The following ASCC3 variants were observed in gnomAD, a reference collection of about 807,000 sequenced individuals.
ASCC3 encodes activating signal cointegrator 1 complex subunit 3.
A neutral mutation model predicts 256.3 loss-of-function variants in ASCC3; 158 were observed. That is an observed-to-expected ratio of 0.62 (90% CI 0.54 to 0.70). The LOEUF (loss-of-function observed/expected upper bound fraction) is 0.70, where lower values mean the gene tolerates loss of function less well. Ranked by LOEUF, ASCC3 falls within the 30% of genes least tolerant of loss-of-function variation. ASCC3 has a pLI of 0.00. For missense variants in ASCC3, 2,259 were observed against 2,626.0 expected (o/e 0.86, Z 3.05); for synonymous variants, 948 against 883.4 (o/e 1.07, Z -1.30).
At chr6:100,755,853 T>C (rs1213889431) in intron 10 of ASCC3, among the ~76,000 whole-genome samples, 1 of 152,180 alleles carries the variant, frequency 6.6e-6, no homozygotes, top group East Asian at 1.9e-4. Context: ...TTACATGGTA[T>C]ACTTCACAAT....
chr6:100,756,344 TTTTAA>T (rs927056542), intron 10 of ASCC3, among the ~76,000 whole-genome samples: 18 of 152,236 alleles, frequency 1.2e-4, no homozygotes, highest in South Asian at 4.1e-4. Flanking sequence ...TATTTTCAAC[TTTTAA>T]TTTAATTTAA....
At chr6:100,840,513 G>A (rs1465054428) in intron 4 of ASCC3, among the ~76,000 whole-genome samples, 9 of 131,842 alleles carry the variant, frequency 6.8e-5, no homozygotes, top group Admixed American at 3.8e-4. Flanking sequence ...TTTTTTTGGC[G>A]TAAGAGTCTT....
At chr6:100,594,152 G>A (rs993874557) in intron 34 of ASCC3, among the ~76,000 whole-genome samples, 2 of 151,936 alleles carry the variant, frequency 1.3e-5, no homozygotes, top group Non-Finnish European at 2.9e-5. Flanking sequence ...TTAGCTGAAG[G>A]GAGCTGGAAT....
chr6:100,675,668 T>C (rs1221238221), intron 14 of ASCC3, among the ~76,000 whole-genome samples: 2 of 152,322 alleles, frequency 1.3e-5, no homozygotes, highest in Non-Finnish European at 2.9e-5. Context: ...ACTTGTTCAA[T>C]AGATATTTTC....
intron 14 of ASCC3, among the ~76,000 whole-genome samples, chr6:100,668,263 A>T (rs1050983955): frequency 2.4e-4 from 36 of 152,014 alleles, no homozygotes; most frequent in African/African-American, 8.7e-4. Flanking sequence ...ACCCAATATC[A>T]GCAAAACGAA....
Position 100,718,729 on chromosome 6 carries a change from C to T in ASCC3, c.1903-478G>A, listed in dbSNP as rs545596987. ...CTCCAACATCGGTGACAGAGTAAAA[C>T]TCTGTTTCAAAAATAAATACATGAA... On this transcript the variant is annotated intron_variant, in intron 11 of 41. Coordinates refer to ENST00000369162, the MANE Select transcript of ASCC3 (RefSeq NM_006828.4). 2.6e-5 allele frequency among the ~76,000 whole-genome samples: 4 copies of T among 152,040 alleles called. No homozygotes were observed. The South Asian group carries it at 6.2e-4, about 24-fold the overall frequency.
chr6:100,648,200 AATAGAC>A (rs1194510600), intron 20 of ASCC3, among the ~76,000 whole-genome samples: 1 of 152,108 alleles, frequency 6.6e-6, no homozygotes, highest in Non-Finnish European at 1.5e-5. Context: ...TAACTTTATT[AATAGAC>A]ATATAGAAAG....
intron 36 of ASCC3, among the ~76,000 whole-genome samples, chr6:100,567,454 G>A (rs1002202057): frequency 2.6e-5 from 4 of 152,054 alleles, no homozygotes; most frequent in Admixed American, 6.6e-5. Context: ...GGGTACATAC[G>A]CACGTTTGTT....
chr6:100,635,270 T>A (rs1774788749), intron 25 of ASCC3, among the ~76,000 whole-genome samples: 1 of 152,050 alleles, frequency 6.6e-6, no homozygotes, highest in Non-Finnish European at 1.5e-5. Flanking sequence ...TAAAGAAGAA[T>A]GAAATCAGCC....
intron 30 of ASCC3, among the ~76,000 whole-genome samples, chr6:100,614,634 G>A (rs1773569542): frequency 6.6e-6 from 1 of 152,124 alleles, no homozygotes. Flanking sequence ...ATCCTCTCAA[G>A]CACAATGCCA....
intron 10 of ASCC3, among the ~76,000 whole-genome samples, chr6:100,759,975 ATG>A (rs1781354387): frequency 6.6e-6 from 1 of 152,092 alleles, no homozygotes; most frequent in South Asian, 2.1e-4. Flanking sequence ...GTGTAAAGGA[ATG>A]CTTGTGATCT....
intron 8 of ASCC3, among the ~76,000 whole-genome samples, chr6:100,771,993 C>T (rs141971864): frequency 0.014 from 2,072 of 151,076 alleles, 20 homozygotes; most frequent in East Asian, 0.045. Context: ...CATTCTCCTG[C>T]CTCAGCCTCC....
intron 8 of ASCC3, among the ~76,000 whole-genome samples, chr6:100,782,681 T>C (rs1429608682): frequency 6.6e-6 from 1 of 150,974 alleles, no homozygotes; most frequent in African/African-American, 2.4e-5. Context: ...CTGGAATAAA[T>C]TATGGCATAT....
At chr6:100,592,658 T>C (rs1016662238) in intron 34 of ASCC3, among the ~76,000 whole-genome samples, 1 of 152,126 alleles carries the variant, frequency 6.6e-6, no homozygotes, top group African/African-American at 2.4e-5. Flanking sequence ...CCTTTACTTC[T>C]ATGAGGTGAA....
intron 26 of ASCC3, among the ~76,000 whole-genome samples, chr6:100,629,830 A>T (rs1160833646): frequency 1.3e-5 from 2 of 152,166 alleles, no homozygotes; most frequent in Non-Finnish European, 2.9e-5. Context: ...ATTACCTAAG[A>T]ATTCCTAATT....
chr6:100,793,088 C>T (rs79620232), intron 8 of ASCC3, among the ~76,000 whole-genome samples: 2,029 of 151,958 alleles, frequency 0.013, 20 homozygotes, highest in East Asian at 0.045. Flanking sequence ...ACATAGTCAC[C>T]ATAGCAAAAC....
In ASCC3 at chr6:100,848,644, T is replaced by A. The variant is rs1228982005; in HGVS notation, c.305A>T (p.His102Leu). 9 of 1,613,938 alleles carry A rather than the reference T, an allele frequency of 5.6e-6. No homozygotes were observed. The highest frequency in any genetic ancestry group is 2.7e-5 in the African/African-American group (2 of 74,928). Residue 102 changes from histidine (H) to leucine (L), a missense_variant, in exon 4 of 42, where the codon CAC becomes CTC. By Grantham distance (99) the His-to-Leu change is moderately conservative. Coordinates refer to ENST00000369162, the MANE Select transcript of ASCC3 (RefSeq NM_006828.4). ...CTTGTGACCAACAGAGTCCTTCAAG[T>A]GAAATGTCATGAAGAGAAATGCAGC... ...SGAAFLFMTF[H>L]LKDSVGHKET...
At chr6:100,741,654 T>G (rs1360593400) in intron 10 of ASCC3, among the ~76,000 whole-genome samples, 1 of 152,214 alleles carries the variant, frequency 6.6e-6, no homozygotes, top group Non-Finnish European at 1.5e-5. Context: ...TGAGATGATT[T>G]TCTCTGCTTG....
intron 4 of ASCC3, among the ~76,000 whole-genome samples, chr6:100,820,423 C>T (rs1770980764): frequency 6.6e-6 from 1 of 152,110 alleles, no homozygotes; most frequent in Admixed American, 6.5e-5. Context: ...GATGGGACAA[C>T]TGGCCAGTGA....
Sources: allele counts gnomAD v4.1 joint callset (sites outside exome capture counted in the v4.1 genomes callset), GRCh38; gene constraint gnomAD v4.1.1; transcripts MANE v1.5; gene names NCBI Gene and HGNC (gene_info 2026-07-23, HGNC 2026-07-21).